RFTN2: variants seen among roughly 807,000 people sequenced by gnomAD.
RFTN2 encodes raftlin family member 2, also known as raftlin-2.
A neutral mutation model predicts 52.7 loss-of-function variants in RFTN2; 34 were observed. The observed-to-expected ratio is 0.64, with a 90% CI of 0.49 to 0.86. RFTN2 has a LOEUF of 0.86. Ranked by LOEUF, RFTN2 falls within the 40% of genes least tolerant of loss-of-function variation. The pLI, the probability that RFTN2 is intolerant of heterozygous loss-of-function variation, is 0.00. For missense variants in RFTN2, 536 were observed against 600.1 expected (o/e 0.89, Z 1.12); for synonymous variants, 203 against 217.7 (o/e 0.93, Z 0.59).
intron 5 of RFTN2, among the ~76,000 whole-genome samples, chr2:197,628,742 A>G (rs1291176409): frequency 6.6e-6 from 1 of 152,186 alleles, no homozygotes; most frequent in African/African-American, 2.4e-5. Flanking sequence ...ACACCAGAAA[A>G]TGAACTCTGA....
intron 1 of RFTN2, among the ~76,000 whole-genome samples, chr2:197,661,236 T>C (rs1373957043): frequency 5.3e-5 from 8 of 150,392 alleles, no homozygotes; most frequent in Admixed American, 3.3e-4. Context: ...TAATTTAATT[T>C]TTTTTTTTTT....
rs553306676 is a variant in RFTN2 at position 197,575,616 on chromosome 2, C to A, written c.1234-3336G>T. Among the ~76,000 whole-genome samples the A allele has an allele frequency of 7.9e-5, 12 of 151,896 alleles. No individual in the cohort carries two copies. In the South Asian group the frequency reaches 2.5e-3, roughly 32 times the overall value. ...GGCAACTTAAGTCAAAATAAGGTATCTAGCTGGGCAAAGTGGCATGAGCCT... is the reference window on the plus strand; with the variant it reads ...GGCAACTTAAGTCAAAATAAGGTATATAGCTGGGCAAAGTGGCATGAGCCT... On this transcript the variant is annotated intron_variant, in intron 8 of 8. Coordinates refer to ENST00000295049, the MANE Select transcript of RFTN2 (RefSeq NM_144629.3).
chr2:197,581,254 G>C (rs1269998817), intron 8 of RFTN2, among the ~76,000 whole-genome samples: 1 of 152,164 alleles, frequency 6.6e-6, no homozygotes, highest in Admixed American at 6.5e-5. Context: ...TTCAGGATCT[G>C]TGCCTTATTG....
chr2:197,654,590 G>A (rs142973510), intron 1 of RFTN2, among the ~76,000 whole-genome samples: 1 of 152,236 alleles, frequency 6.6e-6, no homozygotes, highest in East Asian at 1.9e-4. Flanking sequence ...AGTGCCTTTT[G>A]GTGGAAGCTT....
At chr2:197,583,117 C>G (rs1453295872) in intron 8 of RFTN2, among the ~76,000 whole-genome samples, 1 of 152,218 alleles carries the variant, frequency 6.6e-6, no homozygotes, top group Admixed American at 6.5e-5. Flanking sequence ...TAGAACCTCT[C>G]ATTTCCTTTC....
At chr2:197,583,069 C>T (rs561905579) in intron 8 of RFTN2, among the ~76,000 whole-genome samples, 2 of 152,326 alleles carry the variant, frequency 1.3e-5, no homozygotes, top group Admixed American at 6.5e-5. Context: ...CATTTCATAA[C>T]CTTTTCCATG....
At chr2:197,578,402 G>C (rs2106164134) in intron 8 of RFTN2, among the ~76,000 whole-genome samples, 1 of 152,162 alleles carries the variant, frequency 6.6e-6, no homozygotes. Flanking sequence ...TTTACCACGT[G>C]ACTGTTATGT....
intron 8 of RFTN2, among the ~76,000 whole-genome samples, chr2:197,592,208 T>C (rs2087727947): frequency 6.6e-6 from 1 of 152,186 alleles, no homozygotes; most frequent in African/African-American, 2.4e-5. Context: ...AAAAATTTTT[T>C]TTTTGAGATG....
chr2:197,611,136 TA>T (rs1426226554), intron 7 of RFTN2, among the ~76,000 whole-genome samples: 36 of 152,336 alleles, frequency 2.4e-4, no homozygotes, highest in African/African-American at 6.5e-4. Flanking sequence ...AAAAATGAGT[TA>T]GGGGGGAGTC....
chr2:197,604,715 T>C (rs560719275), intron 7 of RFTN2, among the ~76,000 whole-genome samples: 23 of 152,328 alleles, frequency 1.5e-4, no homozygotes, highest in Non-Finnish European at 2.9e-4. Flanking sequence ...TGCATAATTA[T>C]GCACATTTGT....
intron 1 of RFTN2, among the ~76,000 whole-genome samples, chr2:197,657,975 T>C (rs1398676865): frequency 2.0e-5 from 3 of 152,168 alleles, no homozygotes; most frequent in East Asian, 3.9e-4. Context: ...AGTTTAGAGA[T>C]GTGAAGAAGG....
chr2:197,599,101 A>G (rs778486879), intron 7 of RFTN2, among the ~76,000 whole-genome samples: 2 of 151,782 alleles, frequency 1.3e-5, no homozygotes, highest in African/African-American at 2.4e-5. Context: ...ACAGGCACCC[A>G]CCACCATGCC....
chr2:197,590,838 G>A (rs774995679), intron 8 of RFTN2, among the ~76,000 whole-genome samples: 6 of 152,166 alleles, frequency 3.9e-5, no homozygotes, highest in Admixed American at 2.0e-4. Flanking sequence ...GCAGACCTTC[G>A]CAGTAAGTGC....
At position 197,568,503 on chromosome 2, in the gene RFTN2, AT is replaced by A. The variant is rs1287909084; in HGVS notation, c.*3504del. ...AAAATTCATTCTCAAGGGATGATAG[AT>A]TACCAGCAAATGTTATTTAAATTGA... On this transcript the variant is annotated 3_prime_UTR_variant, in exon 9 of 9. Coordinates refer to ENST00000295049, the MANE Select transcript of RFTN2 (RefSeq NM_144629.3). 2.0e-5 allele frequency: 3 copies of A among 152,344 alleles called. No homozygotes were observed. The highest frequency in any genetic ancestry group is 3.9e-4 in the East Asian group (2 of 5,192). The allele number at this position is 152,344 out of a possible 1,614,324, so 9.4% of individuals were successfully genotyped here. A position where few individuals can be genotyped will look rare whatever the true frequency, so the allele number is the denominator to read the frequency against.
At chr2:197,655,714 C>T (rs2088885348) in intron 1 of RFTN2, among the ~76,000 whole-genome samples, 1 of 152,116 alleles carries the variant, frequency 6.6e-6, no homozygotes, top group Non-Finnish European at 1.5e-5. Context: ...GTCCCAGCTA[C>T]TCAGAAGGCT....
At chr2:197,650,144 A>G (rs1238418004) in intron 1 of RFTN2, among the ~76,000 whole-genome samples, 2 of 152,016 alleles carry the variant, frequency 1.3e-5, no homozygotes, top group Admixed American at 6.6e-5. Flanking sequence ...AGGAAAAACA[A>G]AAATTTGCCA....
intron 8 of RFTN2, among the ~76,000 whole-genome samples, chr2:197,593,184 G>A (rs2087744538): frequency 6.6e-6 from 1 of 152,076 alleles, no homozygotes; most frequent in Non-Finnish European, 1.5e-5. Context: ...TTACATTTCA[G>A]TGAAATATAA....
chr2:197,615,956 A>G lies in RFTN2; in HGVS notation c.1074T>C (p.Tyr358=). The change falls in exon 7 of 9, where the codon TAT becomes TAC. Residue 358 remains tyrosine, a synonymous_variant. Transcript: ENST00000295049. ...CAGCCAGAGTGTGCAGCAGAGGGCC[A>G]TAATCTGTTTTGATTTCACATCCCT... ...VIEGCEIKTD[Y]GPLLHTLAEF... The G allele has an allele frequency of 6.4e-7, 1 of 1,556,524 alleles. No individual in the cohort carries two copies. Among genetic ancestry groups the G allele is most frequent in the Non-Finnish European group, 8.7e-7 (1 of 1,148,464 alleles).
chr2:197,583,255 G>C (rs2087539869), intron 8 of RFTN2, among the ~76,000 whole-genome samples: 1 of 152,164 alleles, frequency 6.6e-6, no homozygotes, highest in Non-Finnish European at 1.5e-5. Context: ...CCCATGTCCA[G>C]GACTGGAAAA....
Sources: gnomAD v4.1 joint callset for allele counts (sites outside exome capture counted in the v4.1 genomes callset) on GRCh38, gnomAD v4.1.1 for gene constraint, MANE v1.5 for transcripts, NCBI Gene and HGNC (gene_info 2026-07-23, HGNC 2026-07-21) for gene names.